Variants in CNTNAP2 observed in about 807,000 individuals in gnomAD.
CNTNAP2 encodes contactin associated protein 2, also known as contactin-associated protein-like 2.
In CNTNAP2, 98 loss-of-function variants were observed where a neutral mutation model predicts 155.2. That is an observed-to-expected ratio of 0.63 (90% CI 0.54 to 0.75). The LOEUF is 0.75. Ranked by LOEUF, CNTNAP2 falls within the 30% of genes least tolerant of loss-of-function variation. CNTNAP2 has a pLI of 0.00. For synonymous variants in CNTNAP2, 651 were observed against 631.2 expected (o/e 1.03, Z -0.47); for missense variants, 1,727 against 1,688.1 (o/e 1.02, Z -0.40).
At chr7:146,319,265 A>G (rs1800960145) in intron 1 of CNTNAP2, among the ~76,000 whole-genome samples, 1 of 152,132 alleles carries the variant, frequency 6.6e-6, no homozygotes, top group Non-Finnish European at 1.5e-5. Context: ...ACATCATGCT[A>G]TTGTACTCTA....
At chr7:147,205,472 T>G (rs997449193) in intron 8 of CNTNAP2, among the ~76,000 whole-genome samples, 1 of 152,160 alleles carries the variant, frequency 6.6e-6, no homozygotes, top group Non-Finnish European at 1.5e-5. Flanking sequence ...AACAATTTGA[T>G]TCTTTCAATC....
chr7:147,196,105 C>T lies in CNTNAP2; in HGVS notation c.1348+63596C>T, dbSNP rs979508262. ...CATGTGAAGACAGGGAGAAGGTTAC[C>T]ATCTAAAAGGCAAGGAGAGACAGTA... On this transcript the variant is annotated intron_variant, in intron 8 of 23. Transcript: ENST00000361727. Among the ~76,000 whole-genome samples, 126 of 152,134 alleles carry T rather than the reference C, an allele frequency of 8.3e-4. 1 individual carries two copies. The highest frequency in any genetic ancestry group is 2.9e-3 in the African/African-American group (122 of 41,442).
chr7:147,175,528 C>G (rs1222337744), intron 8 of CNTNAP2, among the ~76,000 whole-genome samples: 1 of 152,122 alleles, frequency 6.6e-6, no homozygotes, highest in Non-Finnish European at 1.5e-5. Flanking sequence ...GACACAGAAC[C>G]TGCCCTTCCC....
intron 3 of CNTNAP2, among the ~76,000 whole-genome samples, chr7:146,944,809 C>T (rs543631131): frequency 1.1e-4 from 16 of 151,354 alleles, no homozygotes; most frequent in Admixed American, 1.1e-3. Flanking sequence ...ACCCAGGAGG[C>T]GGAGCTTGCA....
intron 11 of CNTNAP2, among the ~76,000 whole-genome samples, chr7:147,531,387 TC>T (rs1173845577): frequency 6.6e-6 from 1 of 152,238 alleles, no homozygotes; most frequent in Non-Finnish European, 1.5e-5. Context: ...TGCCTTAGCA[TC>T]TAGGCGCTTC....
intron 1 of CNTNAP2, among the ~76,000 whole-genome samples, chr7:146,654,430 AT>A (rs1288605778): frequency 6.6e-6 from 1 of 152,160 alleles, no homozygotes; most frequent in Non-Finnish European, 1.5e-5. Flanking sequence ...GTGCCTTTCT[AT>A]TGAAAGACAA....
chr7:147,657,620 A>G (rs1795545342), intron 13 of CNTNAP2, among the ~76,000 whole-genome samples: 2 of 152,196 alleles, frequency 1.3e-5, no homozygotes, highest in African/African-American at 4.8e-5. Context: ...CATGATTCAG[A>G]GGAATAGAAA....
chr7:146,297,909 A>G (rs1800541710), intron 1 of CNTNAP2, among the ~76,000 whole-genome samples: 1 of 151,616 alleles, frequency 6.6e-6, no homozygotes, highest in Admixed American at 6.6e-5. Context: ...ACACACGTAA[A>G]TAAAAAAAAC....
chr7:147,470,771 G>T (rs1291120543), intron 10 of CNTNAP2, among the ~76,000 whole-genome samples: 1 of 151,998 alleles, frequency 6.6e-6, no homozygotes, highest in Non-Finnish European at 1.5e-5. Context: ...GTGTCTAGTA[G>T]ATACCTAACT....
intron 23 of CNTNAP2, 73 bp from the exon 24 acceptor site, chr7:148,415,344 A>C: frequency 6.8e-7 from 1 of 1,481,224 alleles, no homozygotes; most frequent in East Asian, 2.3e-5. Flanking sequence ...ACGGAGCTGT[A>C]GTGAAGTGGG....
At chr7:146,630,523 A>G (rs1475770448) in intron 1 of CNTNAP2, among the ~76,000 whole-genome samples, 1 of 152,082 alleles carries the variant, frequency 6.6e-6, no homozygotes, top group Non-Finnish European at 1.5e-5. Context: ...AACAAATGGT[A>G]TTTCTGGTTT....
At chr7:147,485,850 A>G in intron 10 of CNTNAP2, 85 bp from the exon 11 acceptor site, 4 of 1,284,846 alleles carry the variant, frequency 3.1e-6, no homozygotes, top group Admixed American at 1.7e-5. Context: ...TTGAAATGAT[A>G]TATTGCCCAG....
chr7:146,720,393 A>C (rs1801265156), intron 1 of CNTNAP2, among the ~76,000 whole-genome samples: 1 of 152,092 alleles, frequency 6.6e-6, no homozygotes, highest in South Asian at 2.1e-4. Flanking sequence ...TAGAGAAGGC[A>C]ATTATCTATT....
intron 10 of CNTNAP2, among the ~76,000 whole-genome samples, chr7:147,483,913 A>C (rs1332053951): frequency 6.6e-6 from 1 of 152,106 alleles, no homozygotes; most frequent in Non-Finnish European, 1.5e-5. Flanking sequence ...CCACCTCCTT[A>C]TCAGTGCTTT....
At chr7:147,648,973 C>A (rs2116938279) in intron 13 of CNTNAP2, among the ~76,000 whole-genome samples, 1 of 152,330 alleles carries the variant, frequency 6.6e-6, no homozygotes, top group Admixed American at 6.5e-5. Flanking sequence ...ACCCTCATCT[C>A]TTCAACCACT....
At chr7:147,472,856 A>T (rs1418150643) in intron 10 of CNTNAP2, among the ~76,000 whole-genome samples, 1 of 152,116 alleles carries the variant, frequency 6.6e-6, no homozygotes, top group African/African-American at 2.4e-5. Context: ...GTTTGATCAT[A>T]TTCACCCAGC....
chr7:146,826,682 G>T (rs1334266909), intron 2 of CNTNAP2, among the ~76,000 whole-genome samples: 1 of 152,022 alleles, frequency 6.6e-6, no homozygotes, highest in Non-Finnish European at 1.5e-5. Context: ...ATTCTAAGCA[G>T]AATTCCACAC....
intron 1 of CNTNAP2, among the ~76,000 whole-genome samples, chr7:146,231,506 G>A (rs1223574467): frequency 1.3e-5 from 2 of 152,176 alleles, no homozygotes; most frequent in African/African-American, 4.8e-5. Context: ...AGAAAAGCAA[G>A]GTACAGGTAT....
rs554977423 is a variant in CNTNAP2, at chr7:148,137,025, G to A, written c.2555-10466G>A. 4.6e-5 allele frequency among the ~76,000 whole-genome samples: 7 copies of A among 152,182 alleles called. No homozygotes were observed. In the East Asian group the frequency reaches 1.4e-3, roughly 29 times the overall value. ...GAATGCTTTTCTTAAGTAGAAGTTG[G>A]CTGACACAACCATAAGGGATGCTGT... On this transcript the variant is annotated intron_variant, in intron 16 of 23. Transcript: ENST00000361727.
Sources: gnomAD v4.1 joint callset for allele counts (sites outside exome capture counted in the v4.1 genomes callset) on GRCh38, gnomAD v4.1.1 for gene constraint, MANE v1.5 for transcripts, NCBI Gene and HGNC (gene_info 2026-07-23, HGNC 2026-07-21) for gene names.